CEACAM5: variants seen among roughly 807,000 people sequenced by gnomAD.
CEACAM5 encodes cell adhesion molecule CEACAM5.
Under a neutral mutation model 63.0 loss-of-function variants are expected in CEACAM5, and 52 were observed. The observed-to-expected ratio is 0.83, with a 90% CI of 0.66 to 1.04. CEACAM5 has a LOEUF of 1.04. Ranked by LOEUF, CEACAM5 falls within the 50% of genes least tolerant of loss-of-function variation. The pLI is 0.00. For missense variants in CEACAM5, 790 were observed against 864.8 expected, an observed-to-expected ratio of 0.91 and a Z score of 1.08; for synonymous variants, 357 against 351.3, an observed-to-expected ratio of 1.02 and a Z score of -0.18.
intron 3 of CEACAM5, 98 bp from the exon 4 acceptor site, chr19:41,715,552 G>A: frequency 1.4e-6 from 2 of 1,476,082 alleles, no homozygotes; most frequent in Non-Finnish European, 1.9e-6. Context: ...CTTTAGGATT[G>A]TGATTCAGCT....
At chr19:41,713,267 T>C (rs1317061584) in intron 2 of CEACAM5, among the ~76,000 whole-genome samples, 4 of 151,552 alleles carry the variant, frequency 2.6e-5, no homozygotes, top group Admixed American at 2.6e-4. Context: ...ATCGTGCCAC[T>C]GCACTCCAGC....
At position 41,717,470 on chromosome 19, in the gene CEACAM5, C is replaced by A; in HGVS notation, c.974C>A (p.Pro325His). ...ATCTGCACAGCAGAGCCACCCAAAC[C>A]CTTCATCACCAGCAACAACTCCAAC... ...TITVYAEPPK[P>H]FITSNNSNPV... Residue 325 changes from proline (P) to histidine (H), a missense_variant, in exon 5 of 10, where the codon CCC (proline) becomes CAC (histidine). Pro to His is a moderately conservative substitution (Grantham distance 77, BLOSUM62 -2). Transcript: ENST00000221992. The A allele has an allele frequency of 6.2e-7, 1 of 1,613,854 alleles. No homozygotes were observed. Among genetic ancestry groups the A allele is most frequent in the Middle Eastern group, 1.7e-4 (1 of 6,060 alleles).
At chr19:41,717,880 C>A in intron 5 of CEACAM5, 147 bp downstream of exon 5, 2 of 1,116,810 alleles carry the variant, frequency 1.8e-6, no homozygotes, top group Non-Finnish European at 1.3e-6. Context: ...CAAATCCATG[C>A]AGGCCCAGTC....
intron 5 of CEACAM5, 38 bp downstream of exon 5, chr19:41,717,771 G>A (rs782277584): frequency 1.2e-6 from 2 of 1,604,656 alleles, no homozygotes; most frequent in Non-Finnish European, 1.7e-6. Context: ...CAGGCTGCCA[G>A]CCCAAATCCA....
At chr19:41,715,511 C>A in intron 3 of CEACAM5, 139 bp from the exon 4 acceptor site, 3 of 1,242,474 alleles carry the variant, frequency 2.4e-6, no homozygotes, top group Non-Finnish European at 3.5e-6. Context: ...CAGACTCAGG[C>A]TCAGTAGATA....
intron 4 of CEACAM5, 113 bp downstream of exon 4, chr19:41,716,017 C>G: frequency 8.2e-7 from 1 of 1,223,812 alleles, no homozygotes; most frequent in African/African-American, 1.5e-5. Flanking sequence ...TGGGCACAAG[C>G]AAATCCCAGA....
At chr19:41,717,413 C>A (rs1555815230) in intron 4 of CEACAM5, 42 bp from the exon 5 acceptor site, 2 of 1,581,262 alleles carry the variant, frequency 1.3e-6, no homozygotes, top group South Asian at 1.2e-5. Flanking sequence ...GGAGGAATCA[C>A]AGGTGCCACA....
intron 6 of CEACAM5, among the ~76,000 whole-genome samples, chr19:41,719,633 G>A (rs2072584244): frequency 6.6e-6 from 1 of 152,318 alleles, no homozygotes; most frequent in South Asian, 2.1e-4. Context: ...AGCCATCAGG[G>A]AAGAACCAAA....
intron 6 of CEACAM5, among the ~76,000 whole-genome samples, chr19:41,718,692 C>A (rs2072568493): frequency 6.6e-6 from 1 of 152,226 alleles, no homozygotes; most frequent in Non-Finnish European, 1.5e-5. Flanking sequence ...CAAGTTGCTC[C>A]TCTCTGTCAC....
intron 3 of CEACAM5, 33 bp downstream of exon 3, chr19:41,715,282 G>T: frequency 6.2e-7 from 1 of 1,614,080 alleles, no homozygotes; most frequent in Non-Finnish European, 8.5e-7. Context: ...GGCCCAGGCT[G>T]CCAGCCCAAA....
chr19:41,718,402 G>A lies in CEACAM5; in HGVS notation c.1492+20G>A, dbSNP rs201744583. On this transcript the variant is annotated intron_variant, in intron 6 of 9. Transcript: ENST00000221992. ...TCTCTGGTAAGTGGATCCCTGGACC[G>A]TTAGCAATATGTTCTGGAGCGGAAT... 1.9e-4 allele frequency: 302 copies of A among 1,612,076 alleles called. 3 individuals are homozygous for A. In the South Asian group the frequency reaches 3.1e-3, roughly 16 times the overall value.
chr19:41,718,076 T>A, intron 5 of CEACAM5, 52 bp from the exon 6 acceptor site: 1 of 1,599,558 alleles, frequency 6.3e-7, no homozygotes, highest in Non-Finnish European at 8.5e-7. Flanking sequence ...GACCAGGAGC[T>A]TCCCCTTTGC....
Position 41,728,347 on chromosome 19 carries a change from G to A in CEACAM5, c.*37-837G>A, listed in dbSNP as rs140247694. ...TACTTAAGTCCCACCGATAAATTCC[G>A]ATTTACTGGTCTGGAGTGGGACCCA... On this transcript the variant is annotated intron_variant, in intron 9 of 9. Coordinates refer to ENST00000221992, the MANE Select transcript of CEACAM5 (RefSeq NM_004363.6). Among the ~76,000 whole-genome samples, 767 of 152,248 alleles carry A rather than the reference G, an allele frequency of 5.0e-3. 1 individual carries two copies. The highest frequency in any genetic ancestry group is 0.034 in the Middle Eastern group (10 of 294).
chr19:41,728,222 T>A lies in CEACAM5; in HGVS notation c.*36+870T>A, dbSNP rs369483171. On this transcript the variant is annotated intron_variant, in intron 9 of 9. Coordinates refer to ENST00000221992, the MANE Select transcript of CEACAM5 (RefSeq NM_004363.6). ...GACAAAACCTGAAAAATAATCATAA[T>A]GCCAAAATAGAAAGGAGTGAACATC... Among the ~76,000 whole-genome samples the A allele has an allele frequency of 5.9e-5, 9 of 152,214 alleles. 1 individual carries two copies. The highest frequency in any genetic ancestry group is 2.2e-4 in the African/African-American group (9 of 41,544).
At position 41,727,313 on chromosome 19, in the gene CEACAM5, A is replaced by G; in HGVS notation, c.2106A>G (p.Ile702Met). 6.2e-7 allele frequency: 1 copy of G among 1,611,224 alleles called. No homozygotes were observed. Among genetic ancestry groups the G allele is most frequent in the Non-Finnish European group, 8.5e-7 (1 of 1,177,372 alleles). Residue 702 changes from isoleucine to methionine, a missense_variant, in exon 9 of 10, where the codon ATA becomes ATG. Transcript: ENST00000221992. ...MIGVLVGVAL[I>M] ...GAGTGCTGGTTGGGGTTGCTCTGAT[A>G]TAGCAGCCCTGGTGTAGTTTCTTCA...
chr19:41,722,406 T>G (rs1391512693), intron 8 of CEACAM5, among the ~76,000 whole-genome samples: 2 of 151,496 alleles, frequency 1.3e-5, no homozygotes, highest in Non-Finnish European at 2.9e-5. Context: ...AGTCTTTTTA[T>G]ACTCATGTCT....
chr19:41,727,138 G>A (rs1555817212), intron 8 of CEACAM5, 96 bp from the exon 9 acceptor site: 2 of 905,476 alleles, frequency 2.2e-6, no homozygotes, highest in East Asian at 4.8e-5. Flanking sequence ...AACAAGTAGA[G>A]ACTGCTTCAT....
Position 41,719,963 on chromosome 19 carries a change from A to T in CEACAM5, c.1526A>T (p.Asn509Ile), listed in dbSNP as rs782297920. Reference sequence around the variant, plus strand: ...CCCAAGCCCTCCATCTCCAGCAACAACTCCAAACCCGTGGAGGACAAGGAT... The same window carrying T: ...CCCAAGCCCTCCATCTCCAGCAACATCTCCAAACCCGTGGAGGACAAGGAT... ...ELPKPSISSN[N>I]SKPVEDKDAV... is the part of the protein sequence containing the mutation. Residue 509 changes from asparagine to isoleucine, a missense_variant, in exon 7 of 10, where the codon AAC becomes ATC. By Grantham distance (149) the Asn-to-Ile change is moderately radical. Transcript: ENST00000221992. The T allele has an allele frequency of 4.3e-6, 7 of 1,613,946 alleles. No individual in the cohort carries two copies. The South Asian group carries it at 6.6e-5, about 15-fold the overall frequency.
chr19:41,724,809 T>C (rs185386709), intron 8 of CEACAM5, among the ~76,000 whole-genome samples: 23 of 152,368 alleles, frequency 1.5e-4, no homozygotes, highest in African/African-American at 4.3e-4. Context: ...TGTTTGCGTG[T>C]TGATTTTGTA....
Sources: allele counts gnomAD v4.1 joint callset (sites outside exome capture counted in the v4.1 genomes callset), GRCh38; gene constraint gnomAD v4.1.1; transcripts MANE v1.5; gene names NCBI Gene and HGNC (gene_info 2026-07-23, HGNC 2026-07-21).